The following MYH11 variants were observed in gnomAD, a reference collection of about 807,000 sequenced individuals.
MYH11 encodes myosin heavy chain 11.
In MYH11, 80 loss-of-function variants were observed where a neutral mutation model predicts 246.6. That is an observed-to-expected ratio of 0.32 (90% CI 0.27 to 0.39). The LOEUF is 0.39. Among genes scored for constraint, MYH11 ranks in the 10% least tolerant of loss-of-function variants. The pLI, the probability that MYH11 is intolerant of heterozygous loss-of-function variation, is 1.00. For missense variants in MYH11, 2,158 were observed against 2,546.8 expected (o/e 0.85, Z 3.29); for synonymous variants, 1,071 against 1,015.5 (o/e 1.05, Z -1.04).
intron 40 of MYH11, among the ~76,000 whole-genome samples, chr16:15,710,802 C>T (rs2039743719): frequency 6.6e-6 from 1 of 152,014 alleles, no homozygotes; most frequent in Non-Finnish European, 1.5e-5. Flanking sequence ...CTCAGCCTCA[C>T]GAGTAGCTGG....
intron 24 of MYH11, among the ~76,000 whole-genome samples, chr16:15,738,228 A>C (rs2041177731): frequency 6.6e-6 from 1 of 151,426 alleles, no homozygotes; most frequent in Admixed American, 6.6e-5. Context: ...ATTCAAGCCC[A>C]GGAATAGTGG....
intron 40 of MYH11, among the ~76,000 whole-genome samples, chr16:15,709,844 G>A (rs1470182078): frequency 2.0e-5 from 3 of 152,200 alleles, no homozygotes; most frequent in African/African-American, 7.2e-5. Flanking sequence ...CCTCTAGCAA[G>A]AGAGGAGAGG....
At chr16:15,728,610 T>C (rs1225094837) in intron 27 of MYH11, among the ~76,000 whole-genome samples, 1 of 151,818 alleles carries the variant, frequency 6.6e-6, no homozygotes, top group East Asian at 1.9e-4. Context: ...AAAAAAAAAG[T>C]GTGTTGGGGC....
intron 3 of MYH11, among the ~76,000 whole-genome samples, chr16:15,799,233 G>C (rs2042825042): frequency 6.6e-6 from 1 of 152,116 alleles, no homozygotes; most frequent in Non-Finnish European, 1.5e-5. Context: ...TACAGTCTTA[G>C]TGGGACTGCC....
At chr16:15,761,110 A>G (rs370172584) in intron 10 of MYH11, among the ~76,000 whole-genome samples, 2 of 152,060 alleles carry the variant, frequency 1.3e-5, no homozygotes, top group South Asian at 2.1e-4. Context: ...TTATTTGTTT[A>G]TTTATTTATT....
At chr16:15,805,259 G>C (rs144351325) in intron 3 of MYH11, among the ~76,000 whole-genome samples, 1 of 152,318 alleles carries the variant, frequency 6.6e-6, no homozygotes, top group Non-Finnish European at 1.5e-5. Flanking sequence ...TGGAGGAAAA[G>C]TGCTTTGAGA....
chr16:15,770,744 G>A (rs1401163631), intron 9 of MYH11, among the ~76,000 whole-genome samples: 1 of 152,046 alleles, frequency 6.6e-6, no homozygotes, highest in Non-Finnish European at 1.5e-5. Flanking sequence ...CATAGCTCAG[G>A]AATGTGCATA....
chr16:15,715,559 A>G (rs2040081647), intron 38 of MYH11, among the ~76,000 whole-genome samples: 1 of 152,226 alleles, frequency 6.6e-6, no homozygotes, highest in Admixed American at 6.5e-5. Flanking sequence ...AGATAAATTC[A>G]TAGAGACAGA....
rs1261977631 is a variant in MYH11, at chr16:15,738,671, C to T, written c.3015G>A (p.Glu1005=). 2 of 1,613,812 alleles carry T rather than the reference C, an allele frequency of 1.2e-6. No homozygotes were observed. Among genetic ancestry groups the T allele is most frequent in the African/African-American group, 1.3e-5 (1 of 74,918 alleles). ...NKLSKERKLL[E]ERISDLTTNL... ...TTGTCGTTAAGTCACTAATCCTCTC[C>T]TCAAGGAGTTTTCGTTCCTTTTTGG... The change falls in exon 24 of 41, where the codon GAG becomes GAA. Residue 1005 remains glutamate, a synonymous_variant. Transcript: ENST00000300036.
Position 15,720,772 on chromosome 16 carries a change from G to A in MYH11, c.4791+67C>T, listed in dbSNP as rs376745735. Reference sequence around the variant, plus strand: ...AAAACGAAGTTTCCACACCAACCATGAGAGTGGTGATAGGAATGAAAAAGG... The same window carrying A: ...AAAACGAAGTTTCCACACCAACCATAAGAGTGGTGATAGGAATGAAAAAGG... On this transcript the variant is annotated intron_variant, in intron 33 of 40. Transcript: ENST00000300036. 7 of 1,493,132 alleles carry A rather than the reference G, an allele frequency of 4.7e-6. No individual in the cohort carries two copies. The South Asian group carries it at 7.9e-5, about 17-fold the overall frequency. The allele number at this position is 1,493,132 out of a possible 1,614,324, so 92.5% of individuals were successfully genotyped here. A position where few individuals can be genotyped will look rare whatever the true frequency, so the allele number is the denominator to read the frequency against.
chr16:15,802,354 T>C (rs1030462882), intron 3 of MYH11, among the ~76,000 whole-genome samples: 13 of 152,114 alleles, frequency 8.5e-5, no homozygotes, highest in Admixed American at 7.2e-4. Context: ...GAGAGTGAGG[T>C]TCAGAAGTGA....
chr16:15,851,353 C>T (rs962210719), intron 1 of MYH11, among the ~76,000 whole-genome samples: 9 of 152,156 alleles, frequency 5.9e-5, no homozygotes, highest in Non-Finnish European at 1.2e-4. Context: ...TCAGGCCAGA[C>T]AGCTTCCTAT....
At chr16:15,709,408 G>A (rs1023919278) in intron 40 of MYH11, among the ~76,000 whole-genome samples, 7 of 151,548 alleles carry the variant, frequency 4.6e-5, no homozygotes, top group Non-Finnish European at 8.8e-5. Context: ...TCCACCTCCC[G>A]GGTTCAAGCG....
At chr16:15,726,793 A>C in intron 28 of MYH11, 55 bp downstream of exon 28, 1 of 1,601,938 alleles carries the variant, frequency 6.2e-7, no homozygotes, top group Non-Finnish European at 8.5e-7. Flanking sequence ...GCTCCTCCCC[A>C]CAGAACTGGG....
At chr16:15,772,528 A>T (rs1173998332) in intron 8 of MYH11, among the ~76,000 whole-genome samples, 1 of 152,146 alleles carries the variant, frequency 6.6e-6, no homozygotes, top group African/African-American at 2.4e-5. Flanking sequence ...TTACTCCATA[A>T]TACCTGCTTT....
At chr16:15,759,497 C>T in intron 12 of MYH11, 79 bp downstream of exon 12, 1 of 1,599,728 alleles carries the variant, frequency 6.3e-7, no homozygotes, top group Non-Finnish European at 8.6e-7. Context: ...ATGCCTTTCT[C>T]CAAAATCATG....
At chr16:15,717,006 C>G (rs1455520638) in intron 38 of MYH11, 134 bp downstream of exon 38, 10 of 985,928 alleles carry the variant, frequency 1.0e-5, no homozygotes, top group Non-Finnish European at 1.6e-5. Flanking sequence ...CACAACATAC[C>G]TGCACTGTAG....
chr16:15,801,887 G>A (rs2042895684), intron 3 of MYH11, among the ~76,000 whole-genome samples: 2 of 149,960 alleles, frequency 1.3e-5, no homozygotes, highest in South Asian at 4.2e-4. Flanking sequence ...AACCCAGGAG[G>A]TGGAGGTTGC....
intron 3 of MYH11, among the ~76,000 whole-genome samples, chr16:15,806,556 A>G (rs1316520222): frequency 6.6e-6 from 1 of 152,228 alleles, no homozygotes; most frequent in Non-Finnish European, 1.5e-5. Flanking sequence ...AGTTATGCAG[A>G]CATAGCTGCA....
Sources: gnomAD v4.1 joint callset for allele counts (sites outside exome capture counted in the v4.1 genomes callset) on GRCh38, gnomAD v4.1.1 for gene constraint, MANE v1.5 for transcripts, NCBI Gene and HGNC (gene_info 2026-07-23, HGNC 2026-07-21) for gene names.